The following ATXN8OS variants were observed in gnomAD, a reference collection of about 807,000 sequenced individuals.
ATXN8OS encodes the protein ATXN8 opposite strand (non-protein coding).
At chr13:70,144,648 T>G (rs1888758728) in intron 3 of ATXN8OS, among the ~76,000 whole-genome samples, 1 of 152,140 alleles carries the variant, frequency 6.6e-6, no homozygotes, top group South Asian at 2.1e-4. Context: ...GTGCCTTGTC[T>G]TTTTATTCTC....
At chr13:70,168,176 A>G (rs1031992157) in intron 4 of ATXN8OS, among the ~76,000 whole-genome samples, 1 of 152,110 alleles carries the variant, frequency 6.6e-6, no homozygotes. Flanking sequence ...AGAACAAGAA[A>G]AAGGAAAGCA....
intron 4 of ATXN8OS, among the ~76,000 whole-genome samples, chr13:70,163,845 C>G (rs1238952667): frequency 6.7e-6 from 1 of 149,948 alleles, no homozygotes; most frequent in African/African-American, 2.4e-5. Context: ...CAGTCCACCA[C>G]TCTTCTTGTT....
chr13:70,157,500 A>C (rs960500415), intron 4 of ATXN8OS, among the ~76,000 whole-genome samples: 1 of 107,822 alleles, frequency 9.3e-6, no homozygotes, highest in Admixed American at 9.3e-5. Flanking sequence ...CTGGACTCAC[A>C]TGACTAAGAT....
At chr13:70,144,029 C>T (rs1176057350) in intron 3 of ATXN8OS, among the ~76,000 whole-genome samples, 1 of 152,048 alleles carries the variant, frequency 6.6e-6, no homozygotes, top group Admixed American at 6.6e-5. Flanking sequence ...GAAAATAAAA[C>T]TGTCACAGAA....
At chr13:70,116,063 C>A (rs997426853) in intron 2 of ATXN8OS, among the ~76,000 whole-genome samples, 15 of 151,872 alleles carry the variant, frequency 9.9e-5, no homozygotes, top group African/African-American at 3.1e-4. Flanking sequence ...AAAATTCAGT[C>A]TCTGCATTAT....
intron 4 of ATXN8OS, among the ~76,000 whole-genome samples, chr13:70,155,131 C>A (rs1337374875): frequency 3.9e-5 from 6 of 152,206 alleles, no homozygotes; most frequent in African/African-American, 7.2e-5. Context: ...AACCCGAGGT[C>A]TCTCTCGTCC....
intron 1 of ATXN8OS, among the ~76,000 whole-genome samples, chr13:70,114,318 C>A (rs544260785): frequency 1.3e-5 from 2 of 152,276 alleles, no homozygotes; most frequent in South Asian, 4.1e-4. Flanking sequence ...TAACTCTAGT[C>A]ACTGGCCATC....
At chr13:70,152,923 C>T (rs1245205858) in intron 4 of ATXN8OS, among the ~76,000 whole-genome samples, 2 of 150,188 alleles carry the variant, frequency 1.3e-5, no homozygotes. Context: ...GGAAAACCAA[C>T]CAATAACCAC....
chr13:70,107,816 C>T, exon 1 of ATXN8OS: 3 of 760,742 alleles, frequency 3.9e-6, no homozygotes, highest in Admixed American at 6.5e-5. Flanking sequence ...CCCTCTGCAC[C>T]CCTAGAGCCA....
At chr13:70,166,459 CA>C (rs1363398643) in intron 4 of ATXN8OS, among the ~76,000 whole-genome samples, 1 of 151,902 alleles carries the variant, frequency 6.6e-6, no homozygotes, top group Admixed American at 6.6e-5. Context: ...ACTGGCTAGC[CA>C]TATGTAGAAA....
At chr13:70,148,386 T>C (rs1215222042) in intron 4 of ATXN8OS, among the ~76,000 whole-genome samples, 1 of 152,098 alleles carries the variant, frequency 6.6e-6, no homozygotes, top group African/African-American at 2.4e-5. Flanking sequence ...ACAACGAATC[T>C]CTTCTGTCAG....
At chr13:70,156,729 A>C (rs544666656) in intron 4 of ATXN8OS, among the ~76,000 whole-genome samples, 28 of 152,256 alleles carry the variant, frequency 1.8e-4, no homozygotes, top group African/African-American at 6.3e-4. Context: ...TATCCTGATA[A>C]GTGAAGCATC....
chr13:70,140,211 T>C (rs972027731), intron 3 of ATXN8OS, among the ~76,000 whole-genome samples: 5 of 152,270 alleles, frequency 3.3e-5, no homozygotes, highest in African/African-American at 1.2e-4. Context: ...ATTATTTTCA[T>C]GTGGAAATTA....
At chr13:70,164,621 T>C (rs964475450) in intron 4 of ATXN8OS, among the ~76,000 whole-genome samples, 2 of 152,028 alleles carry the variant, frequency 1.3e-5, no homozygotes, top group African/African-American at 2.4e-5. Context: ...ATACAAATAA[T>C]TTATCACAAA....
At chr13:70,113,090 T>G (rs1242848025) in intron 1 of ATXN8OS, among the ~76,000 whole-genome samples, 1 of 151,362 alleles carries the variant, frequency 6.6e-6, no homozygotes, top group African/African-American at 2.4e-5. Flanking sequence ...CCCAGCTAAT[T>G]TTCGTATTTT....
In ATXN8OS at chr13:70,140,985, T is replaced by C. The variant is rs569691778; in HGVS notation, n.500-6370T>C. On this transcript the variant is annotated intron_variant and non_coding_transcript_variant, in intron 3 of 4. Transcript: ENST00000678624. ...TAGTGATTACAGTGGATAAACTGAG[T>C]CTCATTCCTACCATAGTTGAACCAT... 1.1e-3 allele frequency among the ~76,000 whole-genome samples: 160 copies of C among 152,214 alleles called. 1 individual carries two copies. The highest frequency in any genetic ancestry group is 3.7e-3 in the African/African-American group (153 of 41,548).
At chr13:70,125,403 C>G (rs964437855) in intron 2 of ATXN8OS, among the ~76,000 whole-genome samples, 1 of 152,030 alleles carries the variant, frequency 6.6e-6, no homozygotes, top group African/African-American at 2.4e-5. Context: ...AATAAGAGAT[C>G]TTTTCCTTAC....
chr13:70,151,464 A>G (rs1057325327), intron 4 of ATXN8OS, among the ~76,000 whole-genome samples: 7 of 152,100 alleles, frequency 4.6e-5, no homozygotes, highest in African/African-American at 1.4e-4. Context: ...AAATGGGGCT[A>G]TATATTCCTT....
At chr13:70,129,730 T>C in intron 2 of ATXN8OS, 1 of 398,318 alleles carries the variant, frequency 2.5e-6, no homozygotes, top group Non-Finnish European at 4.4e-6. Flanking sequence ...AATATTATTC[T>C]AAGTGTCTCC....
Sources: gnomAD v4.1 joint callset for allele counts (sites outside exome capture counted in the v4.1 genomes callset) on GRCh38, gnomAD v4.1.1 for gene constraint, MANE v1.5 for transcripts, NCBI Gene and HGNC (gene_info 2026-07-23, HGNC 2026-07-21) for gene names.